The following PLXNA4 variants were observed in gnomAD, a reference collection of about 807,000 sequenced individuals.
PLXNA4 encodes the protein plexin A4.
In PLXNA4, 44 loss-of-function variants were observed where a neutral mutation model predicts 191.8. The observed-to-expected ratio is 0.23, with a 90% CI of 0.18 to 0.29. The LOEUF is 0.29. PLXNA4 is among the 10% of genes least tolerant of loss of function. The pLI is 1.00. For synonymous variants in PLXNA4, 1,082 were observed against 1,009.5 expected (o/e 1.07, Z -1.36); for missense variants, 1,800 against 2,488.8 (o/e 0.72, Z 5.89).
chr7:132,417,203 A>G (rs1379247866), intron 3 of PLXNA4, among the ~76,000 whole-genome samples: 1 of 152,088 alleles, frequency 6.6e-6, no homozygotes, highest in East Asian at 1.9e-4. Context: ...CTTACCACGG[A>G]CCAGGGCTGT....
intron 1 of PLXNA4, among the ~76,000 whole-genome samples, chr7:132,530,249 T>C (rs115094741): frequency 0.022 from 3,292 of 152,284 alleles, 143 homozygotes; most frequent in African/African-American, 0.075. Context: ...TATTCAACTG[T>C]CTAAACATGC....
intron 3 of PLXNA4, among the ~76,000 whole-genome samples, chr7:132,429,976 G>A (rs1436531490): frequency 6.6e-6 from 1 of 152,144 alleles, no homozygotes; most frequent in African/African-American, 2.4e-5. Flanking sequence ...CCCTAGATGG[G>A]CAAACAATCC....
chr7:132,511,142 T>C (rs1054600848), intron 1 of PLXNA4, among the ~76,000 whole-genome samples: 2 of 152,176 alleles, frequency 1.3e-5, no homozygotes, highest in African/African-American at 2.4e-5. Flanking sequence ...CAACTGTTTC[T>C]TGACTGGCAG....
intron 25 of PLXNA4, among the ~76,000 whole-genome samples, chr7:132,156,938 C>T (rs1019529927): frequency 6.6e-6 from 1 of 152,202 alleles, no homozygotes; most frequent in Non-Finnish European, 1.5e-5. Flanking sequence ...GGGAACTTCT[C>T]AGAAGAGCAC....
chr7:132,583,930 T>A (rs1802457711), intron 2 of PLXNA4, among the ~76,000 whole-genome samples: 1 of 152,220 alleles, frequency 6.6e-6, no homozygotes, highest in Non-Finnish European at 1.5e-5. Flanking sequence ...TCTTCCCAAC[T>A]CTGCAACCAG....
intron 10 of PLXNA4, 27 bp from the exon 11 acceptor site, chr7:132,203,446 G>T: frequency 6.3e-7 from 1 of 1,599,758 alleles, no homozygotes; most frequent in East Asian, 2.2e-5. Flanking sequence ...GAGGAGGAAA[G>T]AAGAAAGTGG....
chr7:132,493,979 C>T (rs1412124951), intron 2 of PLXNA4, among the ~76,000 whole-genome samples: 1 of 152,152 alleles, frequency 6.6e-6, no homozygotes. Context: ...TACAATAGTA[C>T]ATACTTTGTT....
intron 2 of PLXNA4, among the ~76,000 whole-genome samples, chr7:132,628,253 G>A (rs1204885845): frequency 6.6e-6 from 1 of 152,118 alleles, no homozygotes; most frequent in Non-Finnish European, 1.5e-5. Context: ...TGAAGACATG[G>A]CTCCATGGTC....
At chr7:132,530,474 A>C (rs1799579953) in intron 1 of PLXNA4, among the ~76,000 whole-genome samples, 1 of 152,224 alleles carries the variant, frequency 6.6e-6, no homozygotes, top group Admixed American at 6.5e-5. Flanking sequence ...CAAAGAAGAT[A>C]TATAAATGGT....
At chr7:132,466,510 G>A (rs917732964) in intron 3 of PLXNA4, among the ~76,000 whole-genome samples, 2 of 152,244 alleles carry the variant, frequency 1.3e-5, no homozygotes, top group African/African-American at 4.8e-5. Flanking sequence ...AAATCACGCA[G>A]AGCAGCATCC....
At chr7:132,193,083 T>C (rs144007949) in intron 14 of PLXNA4, among the ~76,000 whole-genome samples, 1 of 152,294 alleles carries the variant, frequency 6.6e-6, no homozygotes, top group Admixed American at 6.5e-5. Context: ...TCTTCCAAAG[T>C]CATGTCTTGA....
chr7:132,501,095 C>CGT (rs34783634), intron 2 of PLXNA4, among the ~76,000 whole-genome samples: 63,167 of 151,602 alleles, frequency 0.42, 13,336 homozygotes, highest in African/African-American at 0.46. Context: ...CTGCATGAGG[C>CGT]GTGTGTGTGT....
intron 3 of PLXNA4, among the ~76,000 whole-genome samples, chr7:132,409,903 C>T (rs1794380439): frequency 6.6e-6 from 1 of 152,198 alleles, no homozygotes. Flanking sequence ...AGGGTTAATG[C>T]CTGGCCCGGC....
chr7:132,360,414 T>A (rs371739185), intron 3 of PLXNA4, among the ~76,000 whole-genome samples: 1 of 152,162 alleles, frequency 6.6e-6, no homozygotes, highest in African/African-American at 2.4e-5. Context: ...TCTTTGCCTA[T>A]CCCATTGCAC....
chr7:132,271,717 A>T (rs1445737201), intron 4 of PLXNA4, among the ~76,000 whole-genome samples: 2 of 152,180 alleles, frequency 1.3e-5, no homozygotes, highest in African/African-American at 2.4e-5. Context: ...ATCAGAATTC[A>T]ACAGAGACCA....
chr7:132,601,993 C>T (rs1802830143), intron 2 of PLXNA4, among the ~76,000 whole-genome samples: 1 of 152,180 alleles, frequency 6.6e-6, no homozygotes, highest in Non-Finnish European at 1.5e-5. Context: ...GACAAGTTTG[C>T]CTTTTCTAAA....
chr7:132,185,143 C>G (rs913283176), intron 16 of PLXNA4, among the ~76,000 whole-genome samples, 156 bp downstream of exon 16: 1 of 152,156 alleles, frequency 6.6e-6, no homozygotes, highest in Non-Finnish European at 1.5e-5. Context: ...GAGGGAGCCA[C>G]AGTAGGAAGG....
At chr7:132,421,672 A>T (rs1057207467) in intron 3 of PLXNA4, among the ~76,000 whole-genome samples, 1 of 152,210 alleles carries the variant, frequency 6.6e-6, no homozygotes, top group Non-Finnish European at 1.5e-5. Flanking sequence ...GAAAGATACA[A>T]AATATCAAAC....
At chr7:132,626,579 T>A (rs980642492) in intron 2 of PLXNA4, among the ~76,000 whole-genome samples, 3 of 152,212 alleles carry the variant, frequency 2.0e-5, no homozygotes, top group African/African-American at 7.2e-5. Context: ...CACATCTCTC[T>A]TGCTCCTGCT....
Sources: allele counts gnomAD v4.1 joint callset (sites outside exome capture counted in the v4.1 genomes callset), GRCh38; gene constraint gnomAD v4.1.1; transcripts MANE v1.5; gene names NCBI Gene and HGNC (gene_info 2026-07-23, HGNC 2026-07-21).